Variants in AP1S3 observed in about 807,000 individuals in gnomAD.
AP1S3 encodes the protein adaptor related protein complex 1 subunit sigma 3, also known as AP-1 complex subunit sigma-3.
AP1S3 carries 10 observed loss-of-function variants against 20.9 expected under a neutral mutation model. The ratio of observed to expected loss-of-function variants is 0.48; its 90% CI spans 0.29 to 0.81. The LOEUF (loss-of-function observed/expected upper bound fraction) is 0.81, where lower values mean the gene tolerates loss of function less well. Among genes scored for constraint, AP1S3 ranks in the 30% least tolerant of loss-of-function variants. AP1S3 has a pLI of 0.08. For missense variants in AP1S3, 154 were observed against 183.8 expected, an observed-to-expected ratio of 0.84 and a Z score of 0.94; for synonymous variants, 41 against 61.5, an observed-to-expected ratio of 0.67 and a Z score of 1.56.
chr2:223,791,762 T>C (rs1691220657), intron 1 of AP1S3, among the ~76,000 whole-genome samples: 1 of 152,236 alleles, frequency 6.6e-6, no homozygotes, highest in South Asian at 2.1e-4. Flanking sequence ...GCAAATGACA[T>C]GATCCTATAT....
intron 1 of AP1S3, among the ~76,000 whole-genome samples, chr2:223,824,480 G>C (rs888264895): frequency 2.0e-5 from 3 of 152,314 alleles, no homozygotes; most frequent in African/African-American, 7.2e-5. Flanking sequence ...AGTGGCTGAG[G>C]CACCGCCTGA....
chr2:223,789,825 A>G lies in AP1S3; in HGVS notation c.4-11956T>C, dbSNP rs576966292. The stretch of plus-strand genomic sequence containing the variant: ...TCCACTCCAGCCTCGGTGATAGTAC[A>G]AGACTCTATCAAAAAAAAAAAAAAA... On this transcript the variant is annotated intron_variant, in intron 1 of 4. Transcript: ENST00000396654. Among the ~76,000 whole-genome samples the G allele has an allele frequency of 8.7e-3, 1,208 of 139,494 alleles. 12 individuals are homozygous for G. The highest frequency in any genetic ancestry group is 0.033 in the African/African-American group (1,142 of 34,368). 91.5% of individuals were successfully genotyped at this position (139,494 alleles called of 152,430 possible).
chr2:223,757,507 C>T lies in AP1S3; in HGVS notation c.*1208G>A, dbSNP rs1185905469. The T allele has an allele frequency of 7.7e-6, 6 of 780,246 alleles. No individual in the cohort carries two copies. The African/African-American group carries it at 1.1e-4, about 15-fold the overall frequency. The allele number at this position is 780,246 out of a possible 1,614,324, so 48.3% of individuals were successfully genotyped here. The stretch of plus-strand genomic sequence containing the variant: ...TTCATCATATTGGCCAGGCTGCTCT[C>T]GAACTCCTGACCTCAAGTGATCCAC... On this transcript the variant is annotated 3_prime_UTR_variant, in exon 5 of 5. Coordinates refer to ENST00000396654, the MANE Select transcript of AP1S3 (RefSeq NM_001039569.2).
intron 1 of AP1S3, among the ~76,000 whole-genome samples, chr2:223,799,799 G>A (rs1457936712): frequency 6.6e-6 from 1 of 152,040 alleles, no homozygotes; most frequent in Non-Finnish European, 1.5e-5. Flanking sequence ...GAACCTAGGT[G>A]AAAAAAATCT....
At chr2:223,808,428 G>C (rs1457095062) in intron 1 of AP1S3, among the ~76,000 whole-genome samples, 1 of 152,218 alleles carries the variant, frequency 6.6e-6, no homozygotes, top group Non-Finnish European at 1.5e-5. Context: ...TTAGGGTGGG[G>C]ATGGTATTTT....
chr2:223,790,391 C>G (rs1180920503), intron 1 of AP1S3, among the ~76,000 whole-genome samples: 2 of 152,020 alleles, frequency 1.3e-5, no homozygotes, highest in African/African-American at 4.8e-5. Flanking sequence ...GTCACCATGC[C>G]TGGCTAATTT....
Position 223,822,447 on chromosome 2 carries a change from G to A in AP1S3, c.3+15001C>T, listed in dbSNP as rs979221798. 2.6e-5 allele frequency among the ~76,000 whole-genome samples: 4 copies of A among 152,050 alleles called. 1 individual carries two copies. Among genetic ancestry groups the A allele is most frequent in the Admixed American group, 2.6e-4 (4 of 15,270 alleles). On this transcript the variant is annotated intron_variant, in intron 1 of 4. Transcript: ENST00000396654. ...TGCCTGTAATCCCAGCACTTTGGGA[G>A]GCTGAGGTGGGTGGATCACCTGAGG...
In AP1S3 at chr2:223,757,972, C is replaced by T. The variant is rs1295801303; in HGVS notation, c.*743G>A. ...AAAGGAAGTCATAGATGCTGTATCTCTAGGTCTCTATAAACCTTAATAAAT... is the reference window on the plus strand; with the variant it reads ...AAAGGAAGTCATAGATGCTGTATCTTTAGGTCTCTATAAACCTTAATAAAT... On this transcript the variant is annotated 3_prime_UTR_variant, in exon 5 of 5. Coordinates refer to ENST00000396654, the MANE Select transcript of AP1S3 (RefSeq NM_001039569.2). 1.0e-6 allele frequency: 1 copy of T among 963,236 alleles called. No individual in the cohort carries two copies. The highest frequency in any genetic ancestry group is 6.2e-5 in the Admixed American group (1 of 16,222). The allele number at this position is 963,236 out of a possible 1,614,324, so 59.7% of individuals were successfully genotyped here.
chr2:223,797,618 C>T (rs77449740), intron 1 of AP1S3, among the ~76,000 whole-genome samples: 14 of 151,896 alleles, frequency 9.2e-5, no homozygotes, highest in African/African-American at 3.4e-4. Flanking sequence ...AAAAATTAGC[C>T]GGCCATGGTT....
At position 223,828,296 on chromosome 2, in the gene AP1S3, T is replaced by TC. The variant is rs1491239411; in HGVS notation, c.3+9151_3+9152insG. Among the ~76,000 whole-genome samples, 28 of 97,244 alleles carry TC rather than the reference T, an allele frequency of 2.9e-4. 1 individual carries two copies. In the South Asian group the frequency reaches 0.01, roughly 36 times the overall value. 63.8% of individuals were successfully genotyped at this position (97,244 alleles called of 152,430 possible). ...CCCTCACCACATTCTCCTCTCTCTCTTTTTTTTTTTTTTTTTTTGAGACAG... is the reference window on the plus strand; with the variant it reads ...CCCTCACCACATTCTCCTCTCTCTCTCTTTTTTTTTTTTTTTTTTGAGACAG... On this transcript the variant is annotated intron_variant, in intron 1 of 4. Coordinates refer to ENST00000396654, the MANE Select transcript of AP1S3 (RefSeq NM_001039569.2).
rs11409226 is a variant in AP1S3, at chr2:223,800,531, TA to T, written c.4-22663del. On this transcript the variant is annotated intron_variant, in intron 1 of 4. Coordinates refer to ENST00000396654, the MANE Select transcript of AP1S3 (RefSeq NM_001039569.2). ...GTGACAGAGCAAGACCCTGTCTCTT[TA>T]AAAAAAAAATCAATTAATATAATTT... Among the ~76,000 whole-genome samples the T allele has an allele frequency of 4.3e-3, 641 of 150,212 alleles. 6 individuals are homozygous for T. Among genetic ancestry groups the T allele is most frequent in the African/African-American group, 0.015 (596 of 40,918 alleles).
At chr2:223,778,607 A>G (rs1040186456) in intron 1 of AP1S3, among the ~76,000 whole-genome samples, 1 of 152,198 alleles carries the variant, frequency 6.6e-6, no homozygotes, top group Non-Finnish European at 1.5e-5. Flanking sequence ...CTATAGAAAC[A>G]TAATGATAAT....
At chr2:223,795,441 C>T (rs766505879) in intron 1 of AP1S3, among the ~76,000 whole-genome samples, 3 of 152,146 alleles carry the variant, frequency 2.0e-5, no homozygotes, top group Admixed American at 6.5e-5. Flanking sequence ...TCTAATTTAG[C>T]GACCCTTTGA....
intron 1 of AP1S3, among the ~76,000 whole-genome samples, chr2:223,832,393 T>A (rs13024484): frequency 0.47 from 71,202 of 151,736 alleles, 16,882 homozygotes; most frequent in Middle Eastern, 0.57. Context: ...AGAAACTCGG[T>A]AGTAACAATC....
chr2:223,803,326 G>T (rs959489377), intron 1 of AP1S3, among the ~76,000 whole-genome samples: 1 of 152,124 alleles, frequency 6.6e-6, no homozygotes, highest in Non-Finnish European at 1.5e-5. Context: ...GAGTCAAGAG[G>T]AGCTAAAATG....
chr2:223,780,786 T>C (rs1242918264), intron 1 of AP1S3, among the ~76,000 whole-genome samples: 1 of 152,080 alleles, frequency 6.6e-6, no homozygotes, highest in Non-Finnish European at 1.5e-5. Flanking sequence ...AATTACTTTT[T>C]TCATAATTTC....
intron 3 of AP1S3, among the ~76,000 whole-genome samples, chr2:223,772,504 T>C (rs905160298): frequency 6.6e-6 from 1 of 152,240 alleles, no homozygotes; most frequent in Admixed American, 6.5e-5. Flanking sequence ...TGCAGAAATA[T>C]GGCAGGTATC....
chr2:223,826,086 C>G (rs1373740173), intron 1 of AP1S3, among the ~76,000 whole-genome samples: 1 of 152,148 alleles, frequency 6.6e-6, no homozygotes, highest in Non-Finnish European at 1.5e-5. Context: ...ATCATTTTTC[C>G]CTGACAGAGT....
At chr2:223,807,659 T>C (rs909847202) in intron 1 of AP1S3, among the ~76,000 whole-genome samples, 2 of 152,050 alleles carry the variant, frequency 1.3e-5, no homozygotes, top group Admixed American at 6.6e-5. Flanking sequence ...TCACGAGATC[T>C]GGTTGTTTTA....
Sources: allele counts gnomAD v4.1 joint callset (sites outside exome capture counted in the v4.1 genomes callset), GRCh38; gene constraint gnomAD v4.1.1; transcripts MANE v1.5; gene names NCBI Gene and HGNC (gene_info 2026-07-23, HGNC 2026-07-21).